ADAMTS13: variants seen among roughly 807,000 people sequenced by gnomAD.
ADAMTS13 encodes the protein ADAM metallopeptidase with thrombospondin type 1 motif 13, also known as A disintegrin and metalloproteinase with thrombospondin motifs 13.
Under a neutral mutation model 155.1 loss-of-function variants are expected in ADAMTS13, and 110 were observed. That is an observed-to-expected ratio of 0.71 (90% CI 0.61 to 0.83). ADAMTS13 has a LOEUF of 0.83. Ranked by LOEUF, ADAMTS13 falls within the 40% of genes least tolerant of loss-of-function variation. The pLI, the probability that ADAMTS13 is intolerant of heterozygous loss-of-function variation, is 0.00. For missense variants in ADAMTS13, 1,707 were observed against 1,891.7 expected (o/e 0.90, Z 1.81); for synonymous variants, 758 against 756.4 (o/e 1.00, Z -0.03).
chr9:133,454,154 TC>T (rs1422279750), intron 23 of ADAMTS13, among the ~76,000 whole-genome samples: 1 of 152,024 alleles, frequency 6.6e-6, no homozygotes, highest in African/African-American at 2.4e-5. Context: ...TGACAGGTGT[TC>T]TGTGATAAAG....
At chr9:133,451,807 C>G (rs1370149474) in intron 23 of ADAMTS13, among the ~76,000 whole-genome samples, 1 of 149,888 alleles carries the variant, frequency 6.7e-6, no homozygotes, top group African/African-American at 2.5e-5. Flanking sequence ...AGGAGAATCA[C>G]CTGAACCTTG....
At chr9:133,420,585 G>A (rs587739882), upstream of ADAMTS13, among the ~76,000 whole-genome samples, 4 of 152,312 alleles carry the variant, frequency 2.6e-5, no homozygotes, top group Admixed American at 6.5e-5. Context: ...CAGATTGGTC[G>A]ATGCAGGTCA....
At chr9:133,417,881 G>A (rs1040514808), upstream of ADAMTS13, 6 of 1,584,538 alleles carry the variant, frequency 3.8e-6, no homozygotes, top group Non-Finnish European at 3.4e-6. Context: ...GCGGCCACCC[G>A]AGACCCCGGC....
Position 133,429,962 on chromosome 9 carries a change from G to A in ADAMTS13, c.848G>A (p.Trp283Ter). The change falls in exon 8 of 29, where the codon TGG becomes TAG. Residue 283 changes from tryptophan to a stop codon, truncating the protein, a stop_gained. Coordinates refer to ENST00000355699, the MANE Select transcript of ADAMTS13 (RefSeq NM_139027.6). LOFTEE classifies it high-confidence loss of function. ...AGCGCAGGACGGGCGCGCTGCGTGT[G>A]GGACCCGCCGCGGCCTCAACCCGGG... ...LLSAGRARCV[W>*]DPPRPQPGSA... 6.5e-7 allele frequency: 1 copy of A among 1,539,360 alleles called. No individual in the cohort carries two copies. The highest frequency in any genetic ancestry group is 8.7e-7 in the Non-Finnish European group (1 of 1,147,196).
chr9:133,446,087 G>A (rs973759913), intron 21 of ADAMTS13, among the ~76,000 whole-genome samples: 2 of 152,164 alleles, frequency 1.3e-5, no homozygotes, highest in African/African-American at 4.8e-5. Context: ...AGAGCGGCCG[G>A]GGGGTCCCCA....
chr9:133,433,308 T>C, intron 9 of ADAMTS13, 70 bp from the exon 10 acceptor site: 4 of 1,593,168 alleles, frequency 2.5e-6, no homozygotes, highest in Non-Finnish European at 3.4e-6. Context: ...TGGGGGACTC[T>C]CTGTGTGTGT....
At chr9:133,458,919 T>C in intron 28 of ADAMTS13, 55 bp from the exon 29 acceptor site, 1 of 1,514,420 alleles carries the variant, frequency 6.6e-7, no homozygotes, top group South Asian at 1.2e-5. Context: ...AAGGCTTCCG[T>C]GAGTGCTAAT....
chr9:133,457,372 C>G (rs1842810461), intron 27 of ADAMTS13, among the ~76,000 whole-genome samples: 2 of 152,206 alleles, frequency 1.3e-5, no homozygotes. Context: ...CCTCCTTGCC[C>G]CAGACCTGCC....
At chr9:133,435,532 T>TC (rs1841123698) in intron 11 of ADAMTS13, among the ~76,000 whole-genome samples, 6 of 148,524 alleles carry the variant, frequency 4.0e-5, no homozygotes, top group South Asian at 2.1e-4. Context: ...TTTCTTTCTT[T>TC]ATTTTTTTTT....
chr9:133,447,310 G>C (rs1554792939), intron 21 of ADAMTS13, among the ~76,000 whole-genome samples: 2 of 130,490 alleles, frequency 1.5e-5, no homozygotes, highest in Non-Finnish European at 3.4e-5. Context: ...TCTTTTTTGA[G>C]ACAAAAAAGA....
upstream of ADAMTS13, among the ~76,000 whole-genome samples, chr9:133,419,944 G>A (rs1281841934): frequency 2.0e-5 from 3 of 149,758 alleles, no homozygotes; most frequent in Non-Finnish European, 4.4e-5. Context: ...TGCTCTTGTC[G>A]CCCAGGCTGG....
upstream of ADAMTS13, among the ~76,000 whole-genome samples, chr9:133,419,844 T>C (rs587695834): frequency 3.3e-5 from 5 of 152,056 alleles, no homozygotes; most frequent in East Asian, 7.7e-4. Flanking sequence ...GTTCAAGCGA[T>C]TCTCCTGCCT....
At chr9:133,421,006 C>T (rs587631969), upstream of ADAMTS13, among the ~76,000 whole-genome samples, 2 of 152,354 alleles carry the variant, frequency 1.3e-5, no homozygotes, top group Non-Finnish European at 2.9e-5. Context: ...TGGCTCATGC[C>T]TGTAATCCCA....
At chr9:133,434,456 C>A (rs1277187311) in intron 11 of ADAMTS13, among the ~76,000 whole-genome samples, 1 of 152,110 alleles carries the variant, frequency 6.6e-6, no homozygotes, top group Non-Finnish European at 1.5e-5. Flanking sequence ...CAGGTGCCCG[C>A]CACCACGCCC....
Position 133,459,222 on chromosome 9 carries a change from G to A in ADAMTS13, c.*42G>A. On this transcript the variant is annotated 3_prime_UTR_variant, in exon 29 of 29. Transcript: ENST00000355699. Reference sequence around the variant, plus strand: ...GTTCCGTGTCTGGCCAGCCCTGGAGGGTTGACCCCTGGTCTCAGTGCTTTC... The same window carrying A: ...GTTCCGTGTCTGGCCAGCCCTGGAGAGTTGACCCCTGGTCTCAGTGCTTTC... 1.3e-6 allele frequency: 2 copies of A among 1,555,460 alleles called. No individual in the cohort carries two copies. Among genetic ancestry groups the A allele is most frequent in the Non-Finnish European group, 1.7e-6 (2 of 1,143,662 alleles).
chr9:133,455,742 TTC>T lies in ADAMTS13; in HGVS notation c.3400+310_3400+311del, dbSNP rs1842702243. 3 of 1,213,730 alleles carry T rather than the reference TTC, an allele frequency of 2.5e-6. No individual in the cohort carries two copies. The South Asian group carries it at 3.8e-5, about 15-fold the overall frequency. 75.2% of individuals were successfully genotyped at this position (1,213,730 alleles called of 1,614,324 possible). A position where few individuals can be genotyped will look rare whatever the true frequency, so the allele number is the denominator to read the frequency against. ...AGGCCGGGATCAGGGCTGGCCCTCT[TTC>T]TCCCTGGCAAAGCAAAACCTCCCTT... is the stretch of plus-strand genomic sequence containing the variant. On this transcript the variant is annotated intron_variant, in intron 25 of 28. Coordinates refer to ENST00000355699, the MANE Select transcript of ADAMTS13 (RefSeq NM_139027.6).
At chr9:133,423,255 T>C (rs1432434976) in intron 2 of ADAMTS13, 88 bp downstream of exon 2, 1 of 1,303,334 alleles carries the variant, frequency 7.7e-7, no homozygotes, top group Admixed American at 1.7e-5. Context: ...TCTGGGATTT[T>C]TGGTGGATCT....
Position 133,423,143 on chromosome 9 carries a change from T to C in ADAMTS13, c.148T>C (p.Leu50=). ...GGAGCCACAGGCCGTGTCTTCTTAC[T>C]TGAGCCCTGGTGCTCCCTTAAAAGG... ...ALEPQAVSSY[L]SPGAPLKGRP... Residue 50 remains leucine (L), a synonymous_variant, in exon 2 of 29, where the codon TTG becomes CTG. Coordinates refer to ENST00000355699, the MANE Select transcript of ADAMTS13 (RefSeq NM_139027.6). The C allele has an allele frequency of 1.2e-6, 2 of 1,614,006 alleles. No homozygotes were observed. Among genetic ancestry groups the C allele is most frequent in the Non-Finnish European group, 1.7e-6 (2 of 1,179,972 alleles).
Position 133,414,741 on chromosome 9 carries a change from C to A in ADAMTS13, n.287+97C>A, listed in dbSNP as rs587640302. 4.2e-5 allele frequency: 68 copies of A among 1,614,172 alleles called. No individual in the cohort carries two copies. In the South Asian group the frequency reaches 6.8e-4, roughly 16 times the overall value. On this transcript the variant is annotated intron_variant and non_coding_transcript_variant, in intron 1 of 17. Transcript: ENST00000485925. ...ATGTCCCCTCGTTCTGGAACAATAT[C>A]ACCATTTGTCCTTTCCTTGGTTCCT... is the stretch of plus-strand genomic sequence containing the variant.
Sources: allele counts gnomAD v4.1 joint callset (sites outside exome capture counted in the v4.1 genomes callset), GRCh38; gene constraint gnomAD v4.1.1; transcripts MANE v1.5; gene names NCBI Gene and HGNC (gene_info 2026-07-23, HGNC 2026-07-21).